The following SMYD3 variants were observed in gnomAD, a reference collection of about 807,000 sequenced individuals.
The protein encoded by SMYD3 is SET and MYND domain containing 3.
In SMYD3, 36 loss-of-function variants were observed where a neutral mutation model predicts 57.7. The ratio of observed to expected loss-of-function variants is 0.62; its 90% CI spans 0.48 to 0.82. SMYD3 has a LOEUF of 0.82. Ranked by LOEUF, SMYD3 falls within the 40% of genes least tolerant of loss-of-function variation. The pLI, the probability that SMYD3 is intolerant of heterozygous loss-of-function variation, is 0.00. For missense variants in SMYD3, 515 were observed against 538.8 expected (o/e 0.96, Z 0.44); for synonymous variants, 211 against 195.0 (o/e 1.08, Z -0.68).
intron 5 of SMYD3, among the ~76,000 whole-genome samples, chr1:246,128,770 T>G (rs1436053014): frequency 6.6e-6 from 1 of 152,038 alleles, no homozygotes; most frequent in Non-Finnish European, 1.5e-5. Context: ...TCAGCTCCAT[T>G]GTGCGTGTGT....
At chr1:245,939,841 C>T (rs533487655) in intron 5 of SMYD3, among the ~76,000 whole-genome samples, 1 of 152,156 alleles carries the variant, frequency 6.6e-6, no homozygotes, top group Admixed American at 6.5e-5. Flanking sequence ...CCTCTAGCTA[C>T]TGAAATACCA....
intron 10 of SMYD3, among the ~76,000 whole-genome samples, chr1:245,850,301 A>G (rs2050897859): frequency 6.6e-6 from 1 of 152,184 alleles, no homozygotes; most frequent in Admixed American, 6.5e-5. Context: ...TGTATAAAGA[A>G]CCCGAAAGTG....
In SMYD3 at chr1:246,432,588, G is replaced by C. The variant is rs189629505; in HGVS notation, c.164+74466C>G. On this transcript the variant is annotated intron_variant, in intron 1 of 11. Transcript: ENST00000490107. ...CTTTAAAAGAAAATCTTCAGTTCAC[G>C]ATGTGAGGTTGAGTTTTAAATATAC... Among the ~76,000 whole-genome samples the C allele has an allele frequency of 6.7e-4, 102 of 152,300 alleles. No homozygotes were observed. The Middle Eastern group carries it at 0.01, about 15-fold the overall frequency.
intron 5 of SMYD3, among the ~76,000 whole-genome samples, chr1:246,247,172 A>G (rs983718788): frequency 6.6e-6 from 1 of 152,042 alleles, no homozygotes; most frequent in Admixed American, 6.6e-5. Flanking sequence ...AGGAACCACA[A>G]TGAAAAATTA....
chr1:246,110,917 A>G (rs78010122), intron 5 of SMYD3, among the ~76,000 whole-genome samples: 2,233 of 152,274 alleles, frequency 0.015, 57 homozygotes, highest in African/African-American at 0.052. Context: ...TTCATGGTTT[A>G]GGATTTTAGA....
At chr1:245,886,782 T>A (rs1281896103) in intron 8 of SMYD3, among the ~76,000 whole-genome samples, 2 of 152,202 alleles carry the variant, frequency 1.3e-5, no homozygotes, top group Non-Finnish European at 2.9e-5. Context: ...CTACACACAC[T>A]CACGTTTTTC....
At chr1:246,363,334 C>A (rs1198581025) in intron 1 of SMYD3, among the ~76,000 whole-genome samples, 5 of 144,118 alleles carry the variant, frequency 3.5e-5, no homozygotes, top group African/African-American at 1.3e-4. Flanking sequence ...CCGCCCCATC[C>A]GGGAGGTGAG....
In SMYD3 at chr1:245,763,953, T is replaced by C. The variant is rs1266326030; in HGVS notation, c.1185+88A>G. On this transcript the variant is annotated intron_variant, in intron 11 of 11. Transcript: ENST00000490107. ...GCGTGTGTATGCGTGCACACATACA[T>C]AGAGCTGCTAACAAATCACAAAGAG... 26 of 981,716 alleles carry C rather than the reference T, an allele frequency of 2.6e-5. No individual in the cohort carries two copies. The Admixed American group carries it at 3.7e-4, about 14-fold the overall frequency. 60.8% of individuals were successfully genotyped at this position (981,716 alleles called of 1,614,324 possible). A position where few individuals can be genotyped will look rare whatever the true frequency, so the allele number is the denominator to read the frequency against.
chr1:246,468,785 A>C (rs2067918288), intron 1 of SMYD3, among the ~76,000 whole-genome samples: 1 of 152,152 alleles, frequency 6.6e-6, no homozygotes, highest in South Asian at 2.1e-4. Flanking sequence ...AGACCAGACT[A>C]GACAACAAAG....
intron 5 of SMYD3, among the ~76,000 whole-genome samples, chr1:246,230,526 G>C (rs554146188): frequency 1.3e-5 from 2 of 152,252 alleles, no homozygotes; most frequent in African/African-American, 4.8e-5. Context: ...TCAGTCCAAG[G>C]TACCACACAG....
intron 5 of SMYD3, among the ~76,000 whole-genome samples, chr1:246,059,863 C>G (rs143117256): frequency 1.3e-5 from 2 of 152,190 alleles, no homozygotes; most frequent in East Asian, 1.9e-4. Context: ...TATGTTGGAA[C>G]AGTAGGCATT....
chr1:246,392,661 TG>T (rs1307527948), intron 1 of SMYD3, among the ~76,000 whole-genome samples: 1 of 152,056 alleles, frequency 6.6e-6, no homozygotes, highest in East Asian at 1.9e-4. Context: ...TTGCCCAGGC[TG>T]GCCTTGAACT....
intron 1 of SMYD3, among the ~76,000 whole-genome samples, chr1:246,427,389 G>A (rs1248121958): frequency 1.3e-5 from 2 of 150,740 alleles, no homozygotes; most frequent in Admixed American, 6.6e-5. Context: ...GCGTAGTGGC[G>A]GGCGCCTGTA....
At chr1:246,370,817 T>G (rs540649066) in intron 1 of SMYD3, among the ~76,000 whole-genome samples, 108 of 152,332 alleles carry the variant, frequency 7.1e-4, no homozygotes, top group African/African-American at 2.5e-3. Context: ...TAATACCACT[T>G]TTTGAAACCC....
At chr1:246,014,704 C>A (rs2059346778) in intron 5 of SMYD3, among the ~76,000 whole-genome samples, 1 of 152,128 alleles carries the variant, frequency 6.6e-6, no homozygotes, top group East Asian at 1.9e-4. Flanking sequence ...TATTAAAATA[C>A]CCAGGAAGGT....
rs374551524 is a variant in SMYD3 at position 245,916,111 on chromosome 1, G to C, written c.703-471C>G. ...TGGAATTTAAGGTCATCCAAATTTG[G>C]TATCTTTGAAATGAGAAAACAGTTC... On this transcript the variant is annotated intron_variant, in intron 7 of 11. Transcript: ENST00000490107. 4.0e-5 allele frequency among the ~76,000 whole-genome samples: 6 copies of C among 151,742 alleles called. No homozygotes were observed. In the East Asian group the frequency reaches 9.7e-4, roughly 25 times the overall value.
At chr1:245,795,435 C>T (rs541680103) in intron 10 of SMYD3, among the ~76,000 whole-genome samples, 2 of 152,352 alleles carry the variant, frequency 1.3e-5, no homozygotes, top group African/African-American at 2.4e-5. Context: ...GTCCCTGTTA[C>T]ATTCCAGGAG....
intron 1 of SMYD3, among the ~76,000 whole-genome samples, chr1:246,440,495 A>C (rs1412101636): frequency 6.6e-6 from 1 of 152,202 alleles, no homozygotes; most frequent in Non-Finnish European, 1.5e-5. Context: ...CACAAACTAA[A>C]TAATCATGAC....
intron 5 of SMYD3, among the ~76,000 whole-genome samples, chr1:246,313,857 G>C (rs1357584527): frequency 6.6e-6 from 1 of 152,086 alleles, no homozygotes; most frequent in African/African-American, 2.4e-5. Flanking sequence ...TGTATCTATA[G>C]AATCATAGGG....
Sources: gnomAD v4.1 joint callset for allele counts (sites outside exome capture counted in the v4.1 genomes callset) on GRCh38, gnomAD v4.1.1 for gene constraint, MANE v1.5 for transcripts, NCBI Gene and HGNC (gene_info 2026-07-23, HGNC 2026-07-21) for gene names.